The following CDH3 variants were observed in gnomAD, a reference collection of about 807,000 sequenced individuals.
CDH3 encodes the protein cadherin 3, also known as cadherin-3.
A neutral mutation model predicts 82.0 loss-of-function variants in CDH3; 54 were observed. The observed-to-expected ratio is 0.66, with a 90% CI of 0.53 to 0.83. The LOEUF is 0.83. CDH3 is among the 40% of genes least tolerant of loss of function. The probability of loss-of-function intolerance (pLI) is 0.00; values close to 1 mark genes in which losing one functional copy is unlikely to be tolerated. For missense variants in CDH3, 1,054 were observed against 1,084.6 expected (o/e 0.97, Z 0.40); for synonymous variants, 446 against 437.9 (o/e 1.02, Z -0.23).
At chr16:68,681,835 A>G (rs1412164666) in intron 8 of CDH3, among the ~76,000 whole-genome samples, 2 of 151,844 alleles carry the variant, frequency 1.3e-5, no homozygotes, top group East Asian at 3.9e-4. Context: ...GAGACTGTCT[A>G]AAAAAATAAA....
At chr16:68,694,912 T>C (rs947529245) in intron 13 of CDH3, among the ~76,000 whole-genome samples, 1 of 152,128 alleles carries the variant, frequency 6.6e-6, no homozygotes, top group Admixed American at 6.6e-5. Flanking sequence ...AGCTGAGAGC[T>C]GACATGTGGG....
At chr16:68,652,351 T>C (rs1268486356) in intron 2 of CDH3, among the ~76,000 whole-genome samples, 6 of 152,132 alleles carry the variant, frequency 3.9e-5, no homozygotes. Context: ...CATTTCCTCA[T>C]ATGCCACTGT....
intron 2 of CDH3, among the ~76,000 whole-genome samples, chr16:68,672,378 T>C (rs1445474004): frequency 2.0e-5 from 3 of 152,200 alleles, no homozygotes; most frequent in Non-Finnish European, 4.4e-5. Flanking sequence ...AAGTGTTATA[T>C]TGCATAGCTG....
intron 2 of CDH3, among the ~76,000 whole-genome samples, chr16:68,667,818 C>T (rs578252313): frequency 4.6e-5 from 7 of 152,276 alleles, no homozygotes; most frequent in Non-Finnish European, 1.0e-4. Context: ...TGAACATAGG[C>T]CAGAGACTCC....
intron 3 of CDH3, 97 bp from the exon 4 acceptor site, chr16:68,678,037 C>A: frequency 8.6e-7 from 1 of 1,167,254 alleles, no homozygotes; most frequent in Non-Finnish European, 1.3e-6. Flanking sequence ...GCGTGAGCTA[C>A]CATGCCCAGC....
At chr16:68,691,014 T>TC (rs1961557253) in intron 12 of CDH3, among the ~76,000 whole-genome samples, 1 of 148,866 alleles carries the variant, frequency 6.7e-6, no homozygotes, top group African/African-American at 2.5e-5. Flanking sequence ...TTACTTTCTT[T>TC]TTTTTTTTTT....
rs7185952 is a variant in CDH3 at position 68,695,623 on chromosome 16, G to A, written c.2134-154G>A. Among the ~76,000 whole-genome samples, 3,919 of 152,278 alleles carry A rather than the reference G, an allele frequency of 0.026. 195 individuals are homozygous for A. Among genetic ancestry groups the A allele is most frequent in the African/African-American group, 0.09 (3,754 of 41,532 alleles). On this transcript the variant is annotated intron_variant, in intron 14 of 15. Coordinates refer to ENST00000264012, the MANE Select transcript of CDH3 (RefSeq NM_001793.6). ...TGCTAGGACAAGGGAGGATGGAAAC[G>A]AGGGTTTTCCAAAATCTGTGACATC...
downstream of CDH3, among the ~76,000 whole-genome samples, chr16:68,728,064 A>G (rs1962237257): frequency 6.6e-6 from 1 of 152,234 alleles, no homozygotes; most frequent in Non-Finnish European, 1.5e-5. Context: ...AATTATTGGC[A>G]TCCAGCACAA....
Position 68,695,259 on chromosome 16 carries a change from C to T in CDH3, c.2007C>T (p.Leu669=), listed in dbSNP as rs1189252744. 9 of 1,614,122 alleles carry T rather than the reference C, an allele frequency of 5.6e-6. No individual in the cohort carries two copies. The East Asian group carries it at 1.8e-4, about 32-fold the overall frequency. The part of the protein sequence containing the change: ...VLGAVLALLF[L]LLVLLLLVRK... ...CACACTCCCCAACCCTTGCAGTCCT[C>T]CTGCTGGTGCTGCTTTTGTTGGTGA... Residue 669 remains leucine (L), a synonymous_variant, in exon 14 of 16, where the codon CTC becomes CTT. Transcript: ENST00000264012.
At position 68,679,843 on chromosome 16, in the gene CDH3, A is replaced by G. The variant is rs1047143767; in HGVS notation, c.736A>G (p.Ile246Val). ...GACAGCCACGGATGAGGATGATGCC[A>G]TCTACACCTACAATGGGGTGGTTGC... ...QVTATDEDDA[I>V]YTYNGVVAYS... is the part of the protein sequence containing the mutation. The change falls in exon 7 of 16, where the codon ATC becomes GTC. Residue 246 changes from isoleucine (I) to valine (V), a missense_variant. By Grantham distance (29) the Ile-to-Val change is conservative. Coordinates refer to ENST00000264012, the MANE Select transcript of CDH3 (RefSeq NM_001793.6). 4 of 1,613,586 alleles carry G rather than the reference A, an allele frequency of 2.5e-6. No individual in the cohort carries two copies. In the African/African-American group the frequency reaches 4.0e-5, roughly 16 times the overall value.
At chr16:68,665,468 G>A (rs1173780938) in intron 2 of CDH3, among the ~76,000 whole-genome samples, 1 of 149,928 alleles carries the variant, frequency 6.7e-6, no homozygotes, top group Non-Finnish European at 1.5e-5. Context: ...GCACCTGGGG[G>A]TGTGTGTGTG....
At chr16:68,690,534 G>A (rs923677155) in intron 12 of CDH3, among the ~76,000 whole-genome samples, 2 of 151,994 alleles carry the variant, frequency 1.3e-5, no homozygotes, top group Non-Finnish European at 2.9e-5. Flanking sequence ...AATCGCTTGA[G>A]CCCATGAGGC....
intron 15 of CDH3, 173 bp from the exon 16 acceptor site, chr16:68,698,018 C>G (rs986203988): frequency 2.8e-6 from 2 of 704,456 alleles, no homozygotes; most frequent in Non-Finnish European, 5.1e-6. Context: ...TGAGCACTTG[C>G]TGTCTGCTGG....
chr16:68,706,544 CTTTT>C (rs34364461), intron 1 of CDH3, among the ~76,000 whole-genome samples: 1 of 81,626 alleles, frequency 1.2e-5, no homozygotes, highest in Non-Finnish European at 2.3e-5. Flanking sequence ...GTCACATTTC[CTTTT>C]TTTTTTTTTT....
downstream of CDH3, among the ~76,000 whole-genome samples, chr16:68,702,125 C>T (rs901566851): frequency 6.6e-6 from 1 of 151,966 alleles, no homozygotes; most frequent in East Asian, 2.0e-4. Context: ...CTGACCTCGA[C>T]GAGTGATCTG....
At chr16:68,658,660 G>A (rs142408212) in intron 2 of CDH3, among the ~76,000 whole-genome samples, 3 of 152,142 alleles carry the variant, frequency 2.0e-5, no homozygotes, top group South Asian at 2.1e-4. Flanking sequence ...AGGACAGGAC[G>A]CCAGGCCCAC....
rs747926533 is a variant in CDH3, at chr16:68,685,236, C to A, written c.1456C>A (p.Leu486Ile). Residue 486 changes from leucine (L) to isoleucine (I), a missense_variant, in exon 11 of 16, where the codon CTA (leucine) becomes ATA (isoleucine). Coordinates refer to ENST00000264012, the MANE Select transcript of CDH3 (RefSeq NM_001793.6). ...YRILRDPAGW[L>I]AMDPDSGQVT... Reference sequence around the variant, plus strand: ...CATCCTGAGAGACCCAGCAGGGTGGCTAGCCATGGACCCAGACAGTGGGCA... The same window carrying A: ...CATCCTGAGAGACCCAGCAGGGTGGATAGCCATGGACCCAGACAGTGGGCA... 2.5e-6 allele frequency: 4 copies of A among 1,614,060 alleles called. No individual in the cohort carries two copies. Among genetic ancestry groups the A allele is most frequent in the Non-Finnish European group, 3.4e-6 (4 of 1,180,042 alleles).
At chr16:68,685,656 A>T (rs1241362371) in intron 11 of CDH3, among the ~76,000 whole-genome samples, 1 of 151,956 alleles carries the variant, frequency 6.6e-6, no homozygotes, top group Non-Finnish European at 1.5e-5. Context: ...ATATACAAAA[A>T]ATTAGCCGGG....
chr16:68,706,346 A>G (rs959798684), intron 1 of CDH3, among the ~76,000 whole-genome samples: 1 of 151,900 alleles, frequency 6.6e-6, no homozygotes, highest in African/African-American at 2.4e-5. Context: ...ACCCAGCCCA[A>G]GCACCATCCA....
Sources: gnomAD v4.1 joint callset for allele counts (sites outside exome capture counted in the v4.1 genomes callset) on GRCh38, gnomAD v4.1.1 for gene constraint, MANE v1.5 for transcripts, NCBI Gene and HGNC (gene_info 2026-07-23, HGNC 2026-07-21) for gene names.